The following DYNC1I1 variants were observed in gnomAD, a reference collection of about 807,000 sequenced individuals.
DYNC1I1 encodes cytoplasmic dynein 1 intermediate chain 1.
DYNC1I1 carries 43 observed loss-of-function variants against 86.6 expected under a neutral mutation model. The ratio of observed to expected loss-of-function variants is 0.50; its 90% confidence interval spans 0.39 to 0.64. DYNC1I1 has a LOEUF of 0.64. DYNC1I1 is among the 30% of genes least tolerant of loss of function. The pLI, the probability that DYNC1I1 is intolerant of heterozygous loss-of-function variation, is 0.00. For missense variants in DYNC1I1, 604 were observed against 788.8 expected, an observed-to-expected ratio of 0.77 and a Z score of 2.81; for synonymous variants, 262 against 283.7, an observed-to-expected ratio of 0.92 and a Z score of 0.77.
chr7:95,894,152 G>A (rs1002595902), intron 6 of DYNC1I1, among the ~76,000 whole-genome samples: 5 of 151,586 alleles, frequency 3.3e-5, no homozygotes, highest in Non-Finnish European at 5.9e-5. Context: ...CAGATTATTA[G>A]TTGCTGTAGT....
chr7:95,792,974 A>G (rs1398851608), intron 1 of DYNC1I1, among the ~76,000 whole-genome samples: 1 of 152,152 alleles, frequency 6.6e-6, no homozygotes, highest in African/African-American at 2.4e-5. Flanking sequence ...AAATAAGAGC[A>G]TCTCATGTGC....
At chr7:95,903,124 T>C (rs1221026598) in intron 6 of DYNC1I1, among the ~76,000 whole-genome samples, 1 of 152,168 alleles carries the variant, frequency 6.6e-6, no homozygotes, top group African/African-American at 2.4e-5. Flanking sequence ...TGGTAGCAAG[T>C]ATTTTTTGCT....
intron 5 of DYNC1I1, among the ~76,000 whole-genome samples, chr7:95,860,406 G>A (rs987955551): frequency 1.3e-5 from 2 of 152,120 alleles, no homozygotes; most frequent in African/African-American, 4.8e-5. Flanking sequence ...AAACTCACCC[G>A]AAGAAATTTT....
At chr7:95,864,816 C>T (rs576195710) in intron 5 of DYNC1I1, among the ~76,000 whole-genome samples, 3 of 152,050 alleles carry the variant, frequency 2.0e-5, no homozygotes, top group Non-Finnish European at 2.9e-5. Context: ...TTCAGTGGCA[C>T]TAAAGCCTCT....
intron 6 of DYNC1I1, among the ~76,000 whole-genome samples, chr7:95,927,894 G>T (rs1305124050): frequency 3.3e-5 from 5 of 152,058 alleles, no homozygotes. Context: ...GTTATTTGTT[G>T]ACTTCACCAA....
intron 6 of DYNC1I1, among the ~76,000 whole-genome samples, chr7:95,976,515 GGGACTATC>G (rs1793306167): frequency 6.6e-6 from 1 of 152,110 alleles, no homozygotes; most frequent in Non-Finnish European, 1.5e-5. Flanking sequence ...TGATGGAAAC[GGGACTATC>G]TACAGAGCTT....
intron 7 of DYNC1I1, among the ~76,000 whole-genome samples, chr7:95,978,202 T>C (rs926030606): frequency 1.3e-5 from 2 of 152,156 alleles, no homozygotes; most frequent in African/African-American, 4.8e-5. Flanking sequence ...ATACTGTTAT[T>C]ACCCCTATTT....
At chr7:96,046,648 G>A (rs1316455121) in intron 14 of DYNC1I1, among the ~76,000 whole-genome samples, 1 of 152,204 alleles carries the variant, frequency 6.6e-6, no homozygotes, top group Non-Finnish European at 1.5e-5. Flanking sequence ...TGTAAGTCTG[G>A]TTTGGTCATC....
chr7:95,818,484 T>G, intron 4 of DYNC1I1: 1 of 666,560 alleles, frequency 1.5e-6, no homozygotes, highest in Non-Finnish European at 2.7e-6. Flanking sequence ...TTTTTTTTTT[T>G]TTTTTTTTTT....
chr7:95,835,388 C>A (rs1296969977), intron 5 of DYNC1I1, among the ~76,000 whole-genome samples: 1 of 146,012 alleles, frequency 6.8e-6, no homozygotes, highest in African/African-American at 2.6e-5. Context: ...AGCTTTACTT[C>A]CAAGTATGTG....
intron 6 of DYNC1I1, among the ~76,000 whole-genome samples, chr7:95,902,684 A>G (rs1218906450): frequency 1.3e-5 from 2 of 152,180 alleles, no homozygotes; most frequent in Non-Finnish European, 2.9e-5. Flanking sequence ...TGTGCCTCAT[A>G]TGCATGGGAA....
intron 6 of DYNC1I1, among the ~76,000 whole-genome samples, chr7:95,909,259 G>A (rs1247411101): frequency 2.3e-4 from 24 of 103,248 alleles, no homozygotes; most frequent in African/African-American, 8.6e-4. Flanking sequence ...GGGGGGGCGG[G>A]GCGGGAAGGG....
intron 6 of DYNC1I1, among the ~76,000 whole-genome samples, chr7:95,874,405 T>C (rs1790250151): frequency 6.6e-6 from 1 of 152,118 alleles, no homozygotes. Context: ...AAAAGGTTTG[T>C]TGAGAAGATA....
At chr7:95,879,435 GAA>G (rs1447745087) in intron 6 of DYNC1I1, among the ~76,000 whole-genome samples, 2 of 151,824 alleles carry the variant, frequency 1.3e-5, no homozygotes. Context: ...ACTCTTAAAT[GAA>G]AAAGAGTCTT....
chr7:96,059,099 T>G (rs76796845), intron 14 of DYNC1I1, among the ~76,000 whole-genome samples: 7,610 of 152,238 alleles, frequency 0.05, 275 homozygotes, highest in African/African-American at 0.11. Flanking sequence ...ATGAATACAT[T>G]ATCTTATTGT....
At chr7:95,954,139 T>C (rs936251837) in intron 6 of DYNC1I1, among the ~76,000 whole-genome samples, 3 of 151,966 alleles carry the variant, frequency 2.0e-5, no homozygotes, top group Non-Finnish European at 4.4e-5. Flanking sequence ...AGTATAGGCC[T>C]TGTGGATTCA....
chr7:95,905,457 G>T (rs1791150722), intron 6 of DYNC1I1, among the ~76,000 whole-genome samples: 1 of 152,086 alleles, frequency 6.6e-6, no homozygotes, highest in South Asian at 2.1e-4. Context: ...CATATTTTCT[G>T]CACCCCTTTT....
chr7:95,984,079 A>T (rs778793389), intron 7 of DYNC1I1, among the ~76,000 whole-genome samples: 1 of 152,192 alleles, frequency 6.6e-6, no homozygotes, highest in Non-Finnish European at 1.5e-5. Flanking sequence ...TTCAGAAACT[A>T]TGACATGCTA....
intron 5 of DYNC1I1, among the ~76,000 whole-genome samples, chr7:95,855,627 C>T (rs1286988271): frequency 6.6e-6 from 1 of 152,118 alleles, no homozygotes; most frequent in East Asian, 1.9e-4. Flanking sequence ...GGAATATATC[C>T]CCTATGATGC....
Sources: allele counts gnomAD v4.1 joint callset (sites outside exome capture counted in the v4.1 genomes callset), GRCh38; gene constraint gnomAD v4.1.1; transcripts MANE v1.5; gene names NCBI Gene and HGNC (gene_info 2026-07-23, HGNC 2026-07-21).